Variants in ANO1 observed in about 807,000 individuals in gnomAD.
ANO1 encodes anoctamin 1.
ANO1 carries 59 observed loss-of-function variants against 124.0 expected under a neutral mutation model. That is an observed-to-expected ratio of 0.48 (90% CI 0.39 to 0.59). The LOEUF is 0.59. ANO1 is among the 20% of genes least tolerant of loss of function. The pLI, the probability that ANO1 is intolerant of heterozygous loss-of-function variation, is 0.00. For synonymous variants in ANO1, 529 were observed against 532.0 expected, an observed-to-expected ratio of 0.99 and a Z score of 0.08; for missense variants, 1,059 against 1,328.0, an observed-to-expected ratio of 0.80 and a Z score of 3.15.
At chr11:70,176,745 G>A (rs2048716780) in intron 22 of ANO1, among the ~76,000 whole-genome samples, 2 of 152,266 alleles carry the variant, frequency 1.3e-5, no homozygotes, top group African/African-American at 2.4e-5. Context: ...GTTAATTTGG[G>A]GGTGCCCTGG....
chr11:70,163,526 T>C (rs751955352), intron 19 of ANO1, 186 bp downstream of exon 19: 1 of 706,678 alleles, frequency 1.4e-6, no homozygotes, highest in Non-Finnish European at 2.5e-6. Context: ...TTATCTGGTG[T>C]GTTCATATAG....
chr11:69,966,245 T>G, the ANO1 span, among the ~76,000 whole-genome samples: 1 of 152,164 alleles, frequency 6.6e-6, no homozygotes, highest in African/African-American at 2.4e-5. Flanking sequence ...CCTTGGGCAC[T>G]GACCCTGGCT....
intron 22 of ANO1, among the ~76,000 whole-genome samples, chr11:70,172,199 TTCCTTGTGGATTAGTGAGC>T (rs2048505801): frequency 6.6e-6 from 1 of 151,604 alleles, no homozygotes; most frequent in African/African-American, 2.4e-5. Flanking sequence ...CAGAGCAGAC[TTCCTTGTGGATTAGTGAGC>T]TCCCTGTTAC....
chr11:70,070,547 G>A (rs1857846297), intron 1 of ANO1, among the ~76,000 whole-genome samples: 1 of 152,186 alleles, frequency 6.6e-6, no homozygotes, highest in Non-Finnish European at 1.5e-5. Flanking sequence ...GTCATGACGG[G>A]TGCCTGTAAT....
intron 2 of ANO1, among the ~76,000 whole-genome samples, chr11:70,090,160 G>A (rs7125577): frequency 0.75 from 113,434 of 151,916 alleles, 42,444 homozygotes; most frequent in Middle Eastern, 0.8. Context: ...GGCGCCCGCC[G>A]TCACGCCCAG....
intron 1 of ANO1, among the ~76,000 whole-genome samples, chr11:70,061,195 G>A (rs1038760030): frequency 6.6e-6 from 1 of 152,158 alleles, no homozygotes; most frequent in Non-Finnish European, 1.5e-5. Context: ...GGGATACTCG[G>A]TACCCCTTTG....
At chr11:70,006,637 C>T (rs1591029643) in intron 1 of ANO1, among the ~76,000 whole-genome samples, 11 of 119,326 alleles carry the variant, frequency 9.2e-5, no homozygotes, top group Admixed American at 4.2e-4. Flanking sequence ...TCTTTCTTTT[C>T]TTTCTTCTTT....
the ANO1 span, among the ~76,000 whole-genome samples, chr11:69,966,575 G>A: frequency 9.2e-5 from 14 of 152,290 alleles, no homozygotes; most frequent in East Asian, 1.9e-4. Flanking sequence ...TGTGGGAGGC[G>A]AGTGGGATGG....
At chr11:70,070,605 G>A (rs879955309) in intron 1 of ANO1, among the ~76,000 whole-genome samples, 15 of 152,232 alleles carry the variant, frequency 9.9e-5, no homozygotes, top group Non-Finnish European at 1.6e-4. Context: ...GAATCCAGAA[G>A]GCAGAGGTTG....
chr11:69,976,177 G>A, the ANO1 span, among the ~76,000 whole-genome samples: 7 of 152,132 alleles, frequency 4.6e-5, no homozygotes, highest in Non-Finnish European at 8.8e-5. Context: ...GCATGCAACT[G>A]TATCAAGTTA....
At chr11:70,093,239 T>C (rs2044707008) in intron 2 of ANO1, among the ~76,000 whole-genome samples, 1 of 146,690 alleles carries the variant, frequency 6.8e-6, no homozygotes, top group Non-Finnish European at 1.5e-5. Context: ...CTCCCTCTTT[T>C]TCACTCTACC....
At chr11:70,118,531 G>C (rs1440956710) in intron 8 of ANO1, among the ~76,000 whole-genome samples, 1 of 152,028 alleles carries the variant, frequency 6.6e-6, no homozygotes, top group African/African-American at 2.4e-5. Context: ...TGGATGGATA[G>C]AGATGGAGAT....
chr11:70,061,496 T>G (rs1565171370), intron 1 of ANO1, among the ~76,000 whole-genome samples: 1 of 139,410 alleles, frequency 7.2e-6, no homozygotes, highest in African/African-American at 2.6e-5. Flanking sequence ...CCCTCTCTCT[T>G]TCTCTCTCTC....
intron 1 of ANO1, among the ~76,000 whole-genome samples, chr11:70,013,468 G>A (rs1555001394): frequency 6.6e-6 from 1 of 151,982 alleles, no homozygotes; most frequent in Non-Finnish European, 1.5e-5. Context: ...ATTGGTCATC[G>A]AGGGCTGCCA....
chr11:70,027,027 T>C (rs1202114165), intron 1 of ANO1, among the ~76,000 whole-genome samples: 1 of 152,144 alleles, frequency 6.6e-6, no homozygotes, highest in Non-Finnish European at 1.5e-5. Flanking sequence ...AAATGTGACC[T>C]CCTCAGTCAG....
intron 1 of ANO1, among the ~76,000 whole-genome samples, chr11:70,070,939 G>A (rs1455346023): frequency 2.6e-5 from 4 of 152,144 alleles, no homozygotes; most frequent in South Asian, 2.1e-4. Flanking sequence ...GCTCCCCAGC[G>A]CTGCCAGCCC....
intron 8 of ANO1, among the ~76,000 whole-genome samples, chr11:70,118,681 T>C (rs1590782594): frequency 7.0e-6 from 1 of 142,260 alleles, no homozygotes; most frequent in African/African-American, 2.7e-5. Flanking sequence ...GGTGGGTGGA[T>C]GGATGGTGGA....
At chr11:69,983,941 G>A (rs1855979509), upstream of ANO1, among the ~76,000 whole-genome samples, 1 of 152,080 alleles carries the variant, frequency 6.6e-6, no homozygotes. Flanking sequence ...TTTTAAATCT[G>A]GCTAAATATA....
At chr11:70,049,824 G>A (rs1225549274) in intron 1 of ANO1, among the ~76,000 whole-genome samples, 2 of 152,078 alleles carry the variant, frequency 1.3e-5, no homozygotes, top group South Asian at 2.1e-4. Flanking sequence ...TGGTTCAAGC[G>A]ACTCTCCTGC....
Sources: gnomAD v4.1 joint callset for allele counts (sites outside exome capture counted in the v4.1 genomes callset) on GRCh38, gnomAD v4.1.1 for gene constraint, MANE v1.5 for transcripts, NCBI Gene and HGNC (gene_info 2026-07-23, HGNC 2026-07-21) for gene names.